Variants in CTNNA1 observed in about 807,000 individuals in gnomAD.
The protein encoded by CTNNA1 is catenin alpha 1.
In CTNNA1, 37 loss-of-function variants were observed where a neutral mutation model predicts 98.4. The observed-to-expected ratio is 0.38, with a 90% CI of 0.29 to 0.49. The LOEUF is 0.49. CTNNA1 is among the 20% of genes least tolerant of loss of function. The pLI is 0.95. For synonymous variants in CTNNA1, 404 were observed against 413.2 expected, an observed-to-expected ratio of 0.98 and a Z score of 0.27; for missense variants, 761 against 1,147.2, an observed-to-expected ratio of 0.66 and a Z score of 4.86.
chr5:138,779,139 T>C (rs985343354), intron 1 of CTNNA1, among the ~76,000 whole-genome samples: 2 of 152,044 alleles, frequency 1.3e-5, no homozygotes, highest in African/African-American at 4.8e-5. Flanking sequence ...TTGGCCTCCC[T>C]AAGTGCTGGA....
At chr5:138,892,536 G>A (rs1348484691) in intron 9 of CTNNA1, among the ~76,000 whole-genome samples, 1 of 151,262 alleles carries the variant, frequency 6.6e-6, no homozygotes, top group Non-Finnish European at 1.5e-5. Context: ...TGGAGTTTCA[G>A]CATGTTGGCC....
chr5:138,766,090 T>A (rs1241066477), intron 1 of CTNNA1, among the ~76,000 whole-genome samples: 2 of 152,112 alleles, frequency 1.3e-5, no homozygotes, highest in East Asian at 3.8e-4. Context: ...AGATGAAAGT[T>A]ACCATGATCA....
chr5:138,837,255 G>C (rs1761863311), intron 7 of CTNNA1, among the ~76,000 whole-genome samples: 1 of 152,076 alleles, frequency 6.6e-6, no homozygotes, highest in Admixed American at 6.6e-5. Context: ...TTTGACCTTG[G>C]AAGTATAAAA....
chr5:138,783,147 C>G, intron 2 of CTNNA1, 30 bp from the exon 3 acceptor site: 2 of 1,512,890 alleles, frequency 1.3e-6, no homozygotes, highest in Non-Finnish European at 1.8e-6. Context: ...TTAATTGACT[C>G]CAGTTTAATG....
intron 1 of CTNNA1, among the ~76,000 whole-genome samples, chr5:138,761,321 A>G (rs1436151886): frequency 6.6e-6 from 1 of 151,970 alleles, no homozygotes; most frequent in African/African-American, 2.4e-5. Flanking sequence ...TGCAACCTCC[A>G]CTTCCTGAGT....
chr5:138,797,793 A>G (rs1757126578), intron 3 of CTNNA1, among the ~76,000 whole-genome samples: 1 of 152,118 alleles, frequency 6.6e-6, no homozygotes, highest in Non-Finnish European at 1.5e-5. Flanking sequence ...TAGATGAGGA[A>G]GATGACCAGT....
At chr5:138,898,725 A>G (rs555563550) in intron 9 of CTNNA1, among the ~76,000 whole-genome samples, 25 of 152,336 alleles carry the variant, frequency 1.6e-4, no homozygotes, top group African/African-American at 5.1e-4. Flanking sequence ...TCCCTTCTGA[A>G]AAACATTCAG....
At chr5:138,854,426 C>T (rs1049931974) in intron 7 of CTNNA1, among the ~76,000 whole-genome samples, 4 of 152,128 alleles carry the variant, frequency 2.6e-5, no homozygotes, top group South Asian at 2.1e-4. Context: ...GCCTCCATTT[C>T]CCCCCAACTG....
intron 14 of CTNNA1, 140 bp from the exon 15 acceptor site, chr5:138,930,333 A>G: frequency 1.6e-6 from 1 of 643,290 alleles, no homozygotes; most frequent in South Asian, 2.2e-5. Flanking sequence ...TGAGAGAAAT[A>G]GCCCTTCAGG....
chr5:138,866,922 G>A (rs1764836734), intron 7 of CTNNA1, among the ~76,000 whole-genome samples: 1 of 152,124 alleles, frequency 6.6e-6, no homozygotes, highest in Non-Finnish European at 1.5e-5. Flanking sequence ...CTCTCTAAGG[G>A]AGACATGACT....
intron 1 of CTNNA1, chr5:138,753,821 C>T (rs944616533): frequency 7.3e-5 from 16 of 218,734 alleles, no homozygotes; most frequent in Middle Eastern, 3.0e-3. Flanking sequence ...GCCGCCGCCG[C>T]GTTTCCTCTT....
At chr5:138,781,016 T>C (rs1270979443) in intron 1 of CTNNA1, among the ~76,000 whole-genome samples, 1 of 152,230 alleles carries the variant, frequency 6.6e-6, no homozygotes, top group Non-Finnish European at 1.5e-5. Flanking sequence ...CTCTTGACAC[T>C]GATACAGTGA....
At chr5:138,895,499 T>G (rs1756576839) in intron 9 of CTNNA1, among the ~76,000 whole-genome samples, 1 of 127,164 alleles carries the variant, frequency 7.9e-6, no homozygotes, top group Admixed American at 7.3e-5. Context: ...TTTGAGCAGT[T>G]TTTTGGGGGG....
chr5:138,801,142 A>G (rs1757535000), intron 3 of CTNNA1, among the ~76,000 whole-genome samples: 1 of 152,238 alleles, frequency 6.6e-6, no homozygotes, highest in African/African-American at 2.4e-5. Context: ...GATATTCACA[A>G]TACTTGACCA....
rs1367817671 is a variant in CTNNA1 at position 138,812,251 on chromosome 5, C to T, written c.537C>T (p.Ala179=). 6.2e-7 allele frequency: 1 copy of T among 1,613,724 alleles called. No homozygotes were observed. The highest frequency in any genetic ancestry group is 8.5e-7 in the Non-Finnish European group (1 of 1,179,856). ...AAGACTTAGGAATCCAGTATAAAGC[C>T]CTAAAACCTGAAGTGGATAAGCTGA... The part of the protein sequence containing the change: ...NEQDLGIQYK[A]LKPEVDKLNI... Residue 179 remains alanine (A), a synonymous_variant, in exon 5 of 18, where the codon GCC becomes GCT. Transcript: ENST00000302763.
chr5:138,934,925 T>TAACTA lies in CTNNA1; in HGVS notation c.*837_*841dup, dbSNP rs1177082023. ...TAGTGATTGATTGATTGATTACTAT[T>TAACTA]AACTACAAGGTATAATTTACTATCA... On this transcript the variant is annotated 3_prime_UTR_variant, in exon 18 of 18. Coordinates refer to ENST00000302763, the MANE Select transcript of CTNNA1 (RefSeq NM_001903.5). 6.6e-6 allele frequency: 1 copy of TAACTA among 152,590 alleles called. No homozygotes were observed. Among genetic ancestry groups the TAACTA allele is most frequent in the African/African-American group, 2.4e-5 (1 of 41,458 alleles). 9.5% of individuals were successfully genotyped at this position (152,590 alleles called of 1,614,324 possible).
In CTNNA1 at chr5:138,776,903, A is replaced by AC. The variant is rs1754325625; in HGVS notation, c.-2-5013dup. Among the ~76,000 whole-genome samples, 6 of 90,618 alleles carry AC rather than the reference A, an allele frequency of 6.6e-5. No homozygotes were observed. The South Asian group carries it at 1.3e-3, about 19-fold the overall frequency. The allele number at this position is 90,618 out of a possible 152,430, so 59.4% of individuals were successfully genotyped here. On this transcript the variant is annotated intron_variant, in intron 1 of 17. Transcript: ENST00000302763. ...GGGCGGCTGGCCGGGCAGGGGGCTG[A>AC]CCCCCCCACCTCCCTCCCGGACGGG...
chr5:138,833,902 A>G (rs1011786154), intron 7 of CTNNA1, among the ~76,000 whole-genome samples: 3 of 152,208 alleles, frequency 2.0e-5, no homozygotes, highest in Non-Finnish European at 4.4e-5. Flanking sequence ...AGGATCCCAA[A>G]AGAAGAATGC....
rs1412000713 is a variant in CTNNA1, at chr5:138,934,368, G to A, written c.*279G>A. 2 of 387,584 alleles carry A rather than the reference G, an allele frequency of 5.2e-6. No homozygotes were observed. Among genetic ancestry groups the A allele is most frequent in the African/African-American group, 4.2e-5 (2 of 48,158 alleles). The allele number at this position is 387,584 out of a possible 1,614,324, so 24.0% of individuals were successfully genotyped here. ...AATCCCACATTAGCTTGTTAGTAAT[G>A]CTCTGACCAAGCCGAGATGCCCATT... On this transcript the variant is annotated 3_prime_UTR_variant, in exon 18 of 18. Transcript: ENST00000302763.
Sources: gnomAD v4.1 joint callset for allele counts (sites outside exome capture counted in the v4.1 genomes callset) on GRCh38, gnomAD v4.1.1 for gene constraint, MANE v1.5 for transcripts, NCBI Gene and HGNC (gene_info 2026-07-23, HGNC 2026-07-21) for gene names.